RBFOX1: variants seen among roughly 807,000 people sequenced by gnomAD.
RBFOX1 encodes the protein RNA binding protein fox-1 homolog 1.
RBFOX1 carries 8 observed loss-of-function variants against 57.7 expected under a neutral mutation model. That is an observed-to-expected ratio of 0.14 (90% CI 0.08 to 0.25). The LOEUF (loss-of-function observed/expected upper bound fraction) is 0.25, where lower values mean the gene tolerates loss of function less well. Ranked by LOEUF, RBFOX1 falls within the 10% of genes least tolerant of loss-of-function variation. The pLI, the probability that RBFOX1 is intolerant of heterozygous loss-of-function variation, is 1.00. For synonymous variants in RBFOX1, 326 were observed against 222.4 expected (o/e 1.47, Z -4.15); for missense variants, 611 against 548.5 (o/e 1.11, Z -1.14).
intron 2 of RBFOX1, among the ~76,000 whole-genome samples, chr16:6,629,633 T>C (rs2098357939): frequency 6.6e-6 from 1 of 152,002 alleles, no homozygotes. Context: ...GGAGAGATGC[T>C]CAGAGCCCCT....
intron 4 of RBFOX1, among the ~76,000 whole-genome samples, chr16:7,096,873 A>C (rs2061781718): frequency 7.5e-6 from 1 of 133,958 alleles, no homozygotes; most frequent in East Asian, 2.5e-4. Flanking sequence ...CGGAGGTTGC[A>C]GTTGGCCGAG....
chr16:6,888,636 C>T (rs1412282286), intron 3 of RBFOX1, among the ~76,000 whole-genome samples: 1 of 152,094 alleles, frequency 6.6e-6, no homozygotes, highest in Admixed American at 6.6e-5. Flanking sequence ...CTGTTCCTTG[C>T]AGGTCAGTAT....
intron 2 of RBFOX1, among the ~76,000 whole-genome samples, chr16:6,487,688 AAAAAAAAAAAAAATATATATAT>A (rs2095522944): frequency 1.3e-4 from 4 of 30,342 alleles, no homozygotes; most frequent in Non-Finnish European, 3.2e-4. Flanking sequence ...AAAAAAAAAA[AAAAAAAAAAAAAATATATATAT>A]ATATATATAT....
intron 4 of RBFOX1, among the ~76,000 whole-genome samples, chr16:5,868,229 C>G (rs138175667): frequency 1.2e-3 from 178 of 152,318 alleles, no homozygotes; most frequent in Non-Finnish European, 2.1e-3. Flanking sequence ...GTGGTTAAAG[C>G]AAAGAACACT....
At chr16:5,282,996 A>C (rs902483436) in intron 1 of RBFOX1, among the ~76,000 whole-genome samples, 4 of 152,296 alleles carry the variant, frequency 2.6e-5, no homozygotes, top group African/African-American at 9.6e-5. Context: ...TGTGGGCTGG[A>C]ACCAGGGACC....
chr16:6,344,048 C>G (rs1198044178), intron 2 of RBFOX1, among the ~76,000 whole-genome samples: 1 of 152,174 alleles, frequency 6.6e-6, no homozygotes, highest in Non-Finnish European at 1.5e-5. Context: ...TTCTTCATCT[C>G]TATTTCTCGT....
chr16:5,970,926 C>G (rs1435225402), intron 4 of RBFOX1, among the ~76,000 whole-genome samples: 2 of 152,188 alleles, frequency 1.3e-5, no homozygotes, highest in African/African-American at 2.4e-5. Flanking sequence ...TCAGTGCACC[C>G]TAAAGCACAT....
chr16:6,943,803 G>C (rs2078988042), intron 3 of RBFOX1, among the ~76,000 whole-genome samples: 1 of 151,852 alleles, frequency 6.6e-6, no homozygotes, highest in East Asian at 1.9e-4. Context: ...ACTGTTAAGT[G>C]TTCAAAAACT....
chr16:6,655,550 G>A (rs1039983315), intron 3 of RBFOX1, among the ~76,000 whole-genome samples: 1 of 152,010 alleles, frequency 6.6e-6, no homozygotes, highest in African/African-American at 2.4e-5. Flanking sequence ...TACACTTAAT[G>A]TGAATCCCCT....
intron 2 of RBFOX1, among the ~76,000 whole-genome samples, chr16:6,557,297 T>C (rs1279982938): frequency 6.6e-6 from 1 of 151,792 alleles, no homozygotes; most frequent in African/African-American, 2.4e-5. Flanking sequence ...AAAGAGGATA[T>C]AAAGCAGAAT....
chr16:7,072,639 T>G (rs1319359159), intron 4 of RBFOX1, among the ~76,000 whole-genome samples: 1 of 152,222 alleles, frequency 6.6e-6, no homozygotes, highest in Non-Finnish European at 1.5e-5. Flanking sequence ...GGAAGAGATT[T>G]CAGAATATTT....
chr16:7,487,965 A>C (rs920537560), intron 4 of RBFOX1, among the ~76,000 whole-genome samples: 1 of 152,012 alleles, frequency 6.6e-6, no homozygotes, highest in Admixed American at 6.6e-5. Flanking sequence ...TTTTTTTTCC[A>C]GGGCCTCTTT....
chr16:6,674,922 T>A (rs2057357984), intron 3 of RBFOX1, among the ~76,000 whole-genome samples: 2 of 152,124 alleles, frequency 1.3e-5, no homozygotes, highest in Non-Finnish European at 2.9e-5. Flanking sequence ...GTCTTTTGTT[T>A]TTTGACACAG....
intron 3 of RBFOX1, among the ~76,000 whole-genome samples, chr16:6,992,502 C>T (rs8057560): frequency 0.15 from 23,377 of 152,080 alleles, 2,227 homozygotes; most frequent in East Asian, 0.39. Flanking sequence ...GCGTGAGCTA[C>T]TGCATCCAGC....
At chr16:6,936,404 G>A (rs536906835) in intron 3 of RBFOX1, among the ~76,000 whole-genome samples, 14 of 152,306 alleles carry the variant, frequency 9.2e-5, no homozygotes, top group African/African-American at 3.1e-4. Context: ...TGGTGAGTTT[G>A]TGAAATGTAG....
rs138444566 is a variant in RBFOX1 at position 6,068,684 on chromosome 16, G to T, written c.-127+48692G>T. Among the ~76,000 whole-genome samples, 89 of 152,310 alleles carry T rather than the reference G, an allele frequency of 5.8e-4. 1 individual carries two copies. Among genetic ancestry groups the T allele is most frequent in the African/African-American group, 2.1e-3 (87 of 41,562 alleles). ...CTGAGGCTGCAGAGGAAGGTCTTCA[G>T]GACTCAGATCTTATAGATGAGAAGT... On this transcript the variant is annotated intron_variant, in intron 1 of 15. Transcript: ENST00000550418.
At chr16:6,982,898 C>T (rs1470593527) in intron 3 of RBFOX1, among the ~76,000 whole-genome samples, 1 of 142,966 alleles carries the variant, frequency 7.0e-6, no homozygotes, top group African/African-American at 2.6e-5. Context: ...GAGGCTGAGG[C>T]AGGGAGAACA....
chr16:6,010,521 C>T, intron 4 of RBFOX1, among the ~76,000 whole-genome samples: 1 of 152,206 alleles, frequency 6.6e-6, no homozygotes, highest in Admixed American at 6.5e-5. Flanking sequence ...CCATTGTTTC[C>T]TGGCTTCACC....
intron 4 of RBFOX1, among the ~76,000 whole-genome samples, chr16:7,167,387 A>G (rs1281719091): frequency 6.6e-6 from 1 of 151,918 alleles, no homozygotes; most frequent in Non-Finnish European, 1.5e-5. Flanking sequence ...TTTCAATAAG[A>G]GAAATGGAGG....
Sources: gnomAD v4.1 joint callset for allele counts (sites outside exome capture counted in the v4.1 genomes callset) on GRCh38, gnomAD v4.1.1 for gene constraint, MANE v1.5 for transcripts, NCBI Gene and HGNC (gene_info 2026-07-23, HGNC 2026-07-21) for gene names.